NR2F1-AS1: variants seen among roughly 807,000 people sequenced by gnomAD.
The protein encoded by NR2F1-AS1 is NR2F1 regulatory antisense RNA 1, also known as NR2F1 antisense RNA 1.
intron 4 of NR2F1-AS1, among the ~76,000 whole-genome samples, chr5:93,486,361 GAAGAA>G (rs1299170130): frequency 6.6e-6 from 1 of 151,596 alleles, no homozygotes; most frequent in African/African-American, 2.4e-5. Flanking sequence ...GACTAATACA[GAAGAA>G]AAGAGAGAAG....
At chr5:93,507,559 T>C (rs1361144795) in intron 4 of NR2F1-AS1, among the ~76,000 whole-genome samples, 4 of 152,136 alleles carry the variant, frequency 2.6e-5, no homozygotes, top group Non-Finnish European at 5.9e-5. Flanking sequence ...GGTTTTACCA[T>C]GTTGGCCAGG....
At chr5:93,410,991 T>A (rs1438159320) in intron 4 of NR2F1-AS1, 1 of 152,204 alleles carries the variant, frequency 6.6e-6, no homozygotes, top group Non-Finnish European at 1.5e-5. Flanking sequence ...TTTTGTTTTT[T>A]ATTAAAGAGA....
At chr5:93,525,619 C>T (rs1240071165) in intron 4 of NR2F1-AS1, among the ~76,000 whole-genome samples, 1 of 152,158 alleles carries the variant, frequency 6.6e-6, no homozygotes, top group Admixed American at 6.6e-5. Context: ...CAACATTCCT[C>T]AGCAAATGCA....
intron 1 of NR2F1-AS1, among the ~76,000 whole-genome samples, chr5:93,573,427 C>T (rs1441694453): frequency 6.6e-6 from 1 of 152,136 alleles, no homozygotes; most frequent in East Asian, 1.9e-4. Flanking sequence ...ATGCGCCTTT[C>T]CACCCTTTCT....
At chr5:93,458,164 GC>G (rs1749993964) in intron 4 of NR2F1-AS1, among the ~76,000 whole-genome samples, 1 of 152,072 alleles carries the variant, frequency 6.6e-6, no homozygotes, top group African/African-American at 2.4e-5. Flanking sequence ...AGAAAAGTGG[GC>G]CCAGGGGACC....
chr5:93,542,034 GT>G (rs1312415385), intron 4 of NR2F1-AS1: 2 of 150,412 alleles, frequency 1.3e-5, no homozygotes, highest in African/African-American at 4.9e-5. Flanking sequence ...TTTATTTAAA[GT>G]TTTGACATTT....
At chr5:93,423,098 C>T (rs1015004082) in intron 4 of NR2F1-AS1, 3 of 152,186 alleles carry the variant, frequency 2.0e-5, no homozygotes, top group Non-Finnish European at 4.4e-5. Context: ...GCTTTCAGGG[C>T]ACATTTAGGG....
Position 93,464,940 on chromosome 5 carries a change from T to C in NR2F1-AS1, n.639-69398A>G, listed in dbSNP as rs114843755. Among the ~76,000 whole-genome samples, 656 of 152,338 alleles carry C rather than the reference T, an allele frequency of 4.3e-3. 4 individuals are homozygous for C. Among genetic ancestry groups the C allele is most frequent in the Non-Finnish European group, 7.0e-3 (478 of 68,018 alleles). The stretch of plus-strand genomic sequence containing the variant: ...GTAAAACAGACCTTCAGTAGTATCA[T>C]CTAGCGCAAGCTGTTCCTGAATAAC... On this transcript the variant is annotated intron_variant and non_coding_transcript_variant, in intron 4 of 5. Coordinates refer to ENST00000660523, the Ensembl canonical transcript of NR2F1-AS1.
At chr5:93,581,723 TCTCTCTCTCTCC>T (rs1753051569), upstream of NR2F1-AS1, among the ~76,000 whole-genome samples, 17 of 56,052 alleles carry the variant, frequency 3.0e-4, 2 homozygotes, top group African/African-American at 1.4e-3. Context: ...TCTCTCTCTC[TCTCTCTCTCTCC>T]CCCTCTCCCT....
intron 4 of NR2F1-AS1, among the ~76,000 whole-genome samples, chr5:93,540,762 C>A (rs1751933787): frequency 6.6e-6 from 1 of 152,036 alleles, no homozygotes; most frequent in Non-Finnish European, 1.5e-5. Flanking sequence ...CACAAAAAAA[C>A]ACACACAAGT....
intron 4 of NR2F1-AS1, among the ~76,000 whole-genome samples, chr5:93,544,271 C>T (rs922546898): frequency 6.6e-6 from 1 of 152,080 alleles, no homozygotes; most frequent in Non-Finnish European, 1.5e-5. Context: ...AGCTCACAGG[C>T]AGCCAAGACA....
intron 4 of NR2F1-AS1, among the ~76,000 whole-genome samples, chr5:93,504,298 A>T (rs2149887382): frequency 6.6e-6 from 1 of 152,346 alleles, no homozygotes; most frequent in Non-Finnish European, 1.5e-5. Flanking sequence ...TGTACAAACA[A>T]ACTAAATTTG....
At chr5:93,559,038 T>C (rs752451728) in intron 2 of NR2F1-AS1, among the ~76,000 whole-genome samples, 1 of 152,220 alleles carries the variant, frequency 6.6e-6, no homozygotes, top group South Asian at 2.1e-4. Context: ...CTTTGAGGCT[T>C]TGAAATCAGG....
At chr5:93,433,971 C>T (rs1749380553) in intron 4 of NR2F1-AS1, among the ~76,000 whole-genome samples, 1 of 152,122 alleles carries the variant, frequency 6.6e-6, no homozygotes, top group Non-Finnish European at 1.5e-5. Context: ...AGCCCTCAGG[C>T]CAAGTGTAGA....
At chr5:93,582,141 G>T (rs1351777060), upstream of NR2F1-AS1, among the ~76,000 whole-genome samples, 2 of 110,340 alleles carry the variant, frequency 1.8e-5, no homozygotes, top group African/African-American at 3.8e-5. Context: ...CCATCTTCTC[G>T]TTTGTTTGCT....
At chr5:93,457,124 C>T (rs1749967140) in intron 4 of NR2F1-AS1, among the ~76,000 whole-genome samples, 1 of 152,148 alleles carries the variant, frequency 6.6e-6, no homozygotes, top group Admixed American at 6.6e-5. Flanking sequence ...AAGAGGCCTT[C>T]CTCTTTTACT....
At chr5:93,535,196 T>G (rs1751815370) in intron 4 of NR2F1-AS1, among the ~76,000 whole-genome samples, 1 of 151,222 alleles carries the variant, frequency 6.6e-6, no homozygotes, top group South Asian at 2.1e-4. Flanking sequence ...TTTGCTCATC[T>G]GTGACAAAGC....
chr5:93,553,606 T>C (rs1409726800), intron 4 of NR2F1-AS1: 1 of 152,244 alleles, frequency 6.6e-6, no homozygotes, highest in Admixed American at 6.5e-5. Flanking sequence ...CTGATTTCTT[T>C]GTTGTCCTTT....
intron 4 of NR2F1-AS1, among the ~76,000 whole-genome samples, chr5:93,438,495 T>C (rs1007695242): frequency 3.9e-5 from 6 of 152,180 alleles, no homozygotes; most frequent in African/African-American, 1.4e-4. Context: ...TCTCAAACTA[T>C]CTATTTATCT....
Sources: gnomAD v4.1 joint callset for allele counts (sites outside exome capture counted in the v4.1 genomes callset) on GRCh38, gnomAD v4.1.1 for gene constraint, MANE v1.5 for transcripts, NCBI Gene and HGNC (gene_info 2026-07-23, HGNC 2026-07-21) for gene names.